FAM131A: variants seen among roughly 807,000 people sequenced by gnomAD.
FAM131A encodes protein FAM131A.
Under a neutral mutation model 39.2 loss-of-function variants are expected in FAM131A, and 24 were observed. That is an observed-to-expected ratio of 0.61 (90% CI 0.44 to 0.86). FAM131A has a LOEUF of 0.86. FAM131A is among the 40% of genes least tolerant of loss of function. The pLI is 0.00. For synonymous variants in FAM131A, 202 were observed against 206.8 expected, an observed-to-expected ratio of 0.98 and a Z score of 0.20; for missense variants, 373 against 481.2, an observed-to-expected ratio of 0.78 and a Z score of 2.10.
At position 184,345,187 on chromosome 3, in the gene FAM131A, G is replaced by A; in HGVS notation, c.*217G>A. Reference sequence around the variant, plus strand: ...TGTCCTGCCCCCACTCCCGGGGCTTGCCGGGGGTTGCCCGGGGCCTCTGGG... The same window carrying A: ...TGTCCTGCCCCCACTCCCGGGGCTTACCGGGGGTTGCCCGGGGCCTCTGGG... On this transcript the variant is annotated 3_prime_UTR_variant, in exon 6 of 6. Coordinates refer to ENST00000383847, the MANE Select transcript of FAM131A (RefSeq NM_144635.5). The A allele has an allele frequency of 1.7e-6, 1 of 590,370 alleles. No individual in the cohort carries two copies. Among genetic ancestry groups the A allele is most frequent in the Non-Finnish European group, 2.9e-6 (1 of 339,518 alleles). The allele number at this position is 590,370 out of a possible 1,614,324, so 36.6% of individuals were successfully genotyped here. A position where few individuals can be genotyped will look rare whatever the true frequency, so the allele number is the denominator to read the frequency against.
rs1472485722 is a variant in FAM131A at position 184,342,331 on chromosome 3, G to A, written c.508+83G>A. ...ATTTTATTTAATTTTTTTTTGAGAC[G>A]GAGTCTCACTCTGTCGCCCAGGCTG... On this transcript the variant is annotated intron_variant, in intron 4 of 5. Coordinates refer to ENST00000383847, the MANE Select transcript of FAM131A (RefSeq NM_144635.5). The surrounding 1 kb of genome is among the most constrained non-coding windows in gnomAD (Gnocchi z 4.6). 4.3e-5 allele frequency: 62 copies of A among 1,431,192 alleles called. No homozygotes were observed. The highest frequency in any genetic ancestry group is 1.2e-4 in the Admixed American group (5 of 40,916). 88.7% of individuals were successfully genotyped at this position (1,431,192 alleles called of 1,614,324 possible).
In FAM131A at chr3:184,338,405, G is replaced by C; in HGVS notation, c.107G>C (p.Trp36Ser). 1 of 1,471,842 alleles carries C rather than the reference G, an allele frequency of 6.8e-7. No individual in the cohort carries two copies. Among genetic ancestry groups the C allele is most frequent in the Non-Finnish European group, 9.0e-7 (1 of 1,114,784 alleles). 91.2% of individuals were successfully genotyped at this position (1,471,842 alleles called of 1,614,324 possible). A position where few individuals can be genotyped will look rare whatever the true frequency, so the allele number is the denominator to read the frequency against. ...TSRRVSSDPA[W>S]AVEWIELPRG... The stretch of plus-strand genomic sequence containing the variant: ...CTCTCAGTGTCCTCGGACCCCGCTT[G>C]GGCTGTGGAGTGGATCGAACTTCCT... The change falls in exon 2 of 6, where the codon TGG becomes TCG. Residue 36 changes from tryptophan (W) to serine (S), a missense_variant. Transcript: ENST00000383847.
Position 184,341,719 on chromosome 3 carries a change from C to T in FAM131A, c.232-5C>T, listed in dbSNP as rs1227584450. ...GGCACTGACTTTCTAATGGTGTTAC[C>T]CAAGGTGAATGTTGGAGACACAGTC... is the stretch of plus-strand genomic sequence containing the variant. On this transcript the variant is annotated splice_region_variant and splice_polypyrimidine_tract_variant and intron_variant, in intron 2 of 5. Coordinates refer to ENST00000383847, the MANE Select transcript of FAM131A (RefSeq NM_144635.5). The T allele has an allele frequency of 1.2e-6, 2 of 1,604,968 alleles. No individual in the cohort carries two copies. The highest frequency in any genetic ancestry group is 1.1e-5 in the South Asian group (1 of 91,014).
Position 184,344,982 on chromosome 3 carries a change from C to G in FAM131A, c.*12C>G. 1 of 1,518,500 alleles carries G rather than the reference C, an allele frequency of 6.6e-7. No individual in the cohort carries two copies. The highest frequency in any genetic ancestry group is 8.8e-7 in the Non-Finnish European group (1 of 1,134,900). The allele number at this position is 1,518,500 out of a possible 1,614,324, so 94.1% of individuals were successfully genotyped here. ...CAGAGGAACAGTGACCCACATCATGCCTGGCAGTGGCATGCATCCCCCGGC... is the reference window on the plus strand; with the variant it reads ...CAGAGGAACAGTGACCCACATCATGGCTGGCAGTGGCATGCATCCCCCGGC... On this transcript the variant is annotated 3_prime_UTR_variant, in exon 6 of 6. Coordinates refer to ENST00000383847, the MANE Select transcript of FAM131A (RefSeq NM_144635.5).
intron 2 of FAM131A, 114 bp downstream of exon 2, chr3:184,338,643 G>A (rs1157735915): frequency 7.2e-7 from 1 of 1,394,138 alleles, no homozygotes; most frequent in Non-Finnish European, 9.6e-7. Flanking sequence ...GGCGGGCGGA[G>A]GCGCTATCCG....
upstream of FAM131A, chr3:184,337,507 A>C: frequency 1.2e-6 from 1 of 819,144 alleles, no homozygotes; most frequent in East Asian, 2.7e-5. Context: ...TCCTTATGTG[A>C]CTAGGCACAG....
Position 184,342,296 on chromosome 3 carries a change from T to G in FAM131A, c.508+48T>G, listed in dbSNP as rs1727420257. 1.3e-6 allele frequency: 2 copies of G among 1,514,994 alleles called. No individual in the cohort carries two copies. The highest frequency in any genetic ancestry group is 1.8e-6 in the Non-Finnish European group (2 of 1,137,430). 93.8% of individuals were successfully genotyped at this position (1,514,994 alleles called of 1,614,324 possible). ...GCTACACTCTTGGCACAGGGCTGCT[T>G]TCTTTCTTTATTTTATTTAATTTTT... On this transcript the variant is annotated intron_variant, in intron 4 of 5. Transcript: ENST00000383847. This position sits in a 1 kb window ranked among gnomAD's most constrained non-coding sequence, Gnocchi z 4.6.
Position 184,345,184 on chromosome 3 carries a change from CTTGCCGGGGG to C in FAM131A, c.*220_*229del, listed in dbSNP as rs1001939576. On this transcript the variant is annotated 3_prime_UTR_variant, in exon 6 of 6. Transcript: ENST00000383847. Reference sequence around the variant, plus strand: ...GCATGTCCTGCCCCCACTCCCGGGGCTTGCCGGGGGTTGCCCGGGGCCTCTGGGGCATGGC... The same window carrying C: ...GCATGTCCTGCCCCCACTCCCGGGGCTTGCCCGGGGCCTCTGGGGCATGGC... The C allele has an allele frequency of 1.8e-5, 11 of 596,370 alleles. No individual in the cohort carries two copies. The highest frequency in any genetic ancestry group is 8.7e-5 in the East Asian group (3 of 34,524). The allele number at this position is 596,370 out of a possible 1,614,324, so 36.9% of individuals were successfully genotyped here.
Position 184,344,858 on chromosome 3 carries a change from C to T in FAM131A, c.989C>T (p.Pro330Leu), listed in dbSNP as rs762993503. The change falls in exon 6 of 6, where the codon CCA becomes CTA. Residue 330 changes from proline (P) to leucine (L), a missense_variant. Transcript: ENST00000383847. ...CCAGCCCCCTGCAAGGACTGCCAGC[C>T]ACTCTGCCCACCACTAACGGGCAGC... ...EEPAPCKDCQ[P>L]LCPPLTGSWE... is the part of the protein sequence containing the mutation. 2 of 1,611,042 alleles carry T rather than the reference C, an allele frequency of 1.2e-6. No homozygotes were observed. The highest frequency in any genetic ancestry group is 1.3e-5 in the African/African-American group (1 of 74,952).
rs752518495 is a variant in FAM131A at position 184,342,237 on chromosome 3, G to A, written c.497G>A (p.Arg166His). The A allele has an allele frequency of 1.2e-6, 2 of 1,604,064 alleles. No homozygotes were observed. Among genetic ancestry groups the A allele is most frequent in the Non-Finnish European group, 1.7e-6 (2 of 1,172,810 alleles). The change falls in exon 4 of 6, where the codon CGC becomes CAC. Residue 166 changes from arginine (R) to histidine (H), a missense_variant. Physicochemically the swap from Arg to His is conservative, Grantham distance 29. Around this residue, in one of 2 missense-constraint regions of FAM131A, gnomAD observed 221 missense variants for 347.7 expected, o/e 0.64. Transcript: ENST00000383847. This position sits in a 1 kb window ranked among gnomAD's most constrained non-coding sequence, Gnocchi z 4.6. ...SDLSEGEQEA[R>H]FAAGVAEQFA... The stretch of plus-strand genomic sequence containing the variant: ...CTCAGCGAGGGCGAACAAGAGGCTC[G>A]CTTTGCAGCAGGTGGATGGCAGAAA...
chr3:184,337,415 G>A (rs1727168707), upstream of FAM131A: 1 of 576,282 alleles, frequency 1.7e-6, no homozygotes, highest in African/African-American at 1.9e-5. Context: ...TCTAGGGAAT[G>A]GGCCTCAGCT....
intron 1 of FAM131A, among the ~76,000 whole-genome samples, 175 bp from the exon 2 acceptor site, chr3:184,338,212 C>T (rs185581179): frequency 6.7e-6 from 1 of 150,034 alleles, no homozygotes; most frequent in Non-Finnish European, 1.5e-5. Context: ...CCCAGGGGCC[C>T]GAGGGTCAGT....
chr3:184,338,217 G>T (rs1487980871), intron 1 of FAM131A, among the ~76,000 whole-genome samples, 170 bp from the exon 2 acceptor site: 2 of 152,056 alleles, frequency 1.3e-5, no homozygotes, highest in South Asian at 4.1e-4. Context: ...GGGCCCGAGG[G>T]TCAGTGATGT....
intron 5 of FAM131A, among the ~76,000 whole-genome samples, chr3:184,344,151 A>AC (rs1470186304): frequency 6.6e-6 from 1 of 152,100 alleles, no homozygotes; most frequent in East Asian, 1.9e-4. Flanking sequence ...ACGCCCGGCT[A>AC]ATTTTGTGTT....
rs1441776737 is a variant in FAM131A, at chr3:184,338,792, T to C, written c.231+263T>C. 6 of 436,254 alleles carry C rather than the reference T, an allele frequency of 1.4e-5. No homozygotes were observed. In the East Asian group the frequency reaches 2.2e-4, roughly 16 times the overall value. 27.0% of individuals were successfully genotyped at this position (436,254 alleles called of 1,614,324 possible). ...GGAGACCCTGTTGCGTGGTGATGGG[T>C]TGCCAGGGAGACATACACCTTTTCT... On this transcript the variant is annotated intron_variant, in intron 2 of 5. Coordinates refer to ENST00000383847, the MANE Select transcript of FAM131A (RefSeq NM_144635.5).
Position 184,344,501 on chromosome 3 carries a change from C to A in FAM131A, c.632C>A (p.Ala211Asp). 1 of 1,525,372 alleles carries A rather than the reference C, an allele frequency of 6.6e-7. No homozygotes were observed. Among genetic ancestry groups the A allele is most frequent in the South Asian group, 1.3e-5 (1 of 76,942 alleles). 94.5% of individuals were successfully genotyped at this position (1,525,372 alleles called of 1,614,324 possible). ...DFAGGMDTDM[A>D]GQLPLGPHLQ... ...TTTTCTCTTCTCCTCACAGACATGG[C>A]TGGGCAGCTGCCCCTGGGGCCGCAC... Residue 211 changes from alanine (A) to aspartate (D), a missense_variant, in exon 6 of 6, where the codon GCT becomes GAT. Around this residue, in one of 2 missense-constraint regions of FAM131A, gnomAD observed 221 missense variants for 347.7 expected, o/e 0.64. Transcript: ENST00000383847.
Position 184,342,815 on chromosome 3 carries a change from A to G in FAM131A, c.580A>G (p.Thr194Ala). 2 of 1,614,000 alleles carry G rather than the reference A, an allele frequency of 1.2e-6. No individual in the cohort carries two copies. The highest frequency in any genetic ancestry group is 1.7e-6 in the Non-Finnish European group (2 of 1,179,924). The change falls in exon 5 of 6, where the codon ACT becomes GCT. Residue 194 changes from threonine (T) to alanine (A), a missense_variant. By Grantham distance (58) the Thr-to-Ala change is moderately conservative. Transcript: ENST00000383847. The surrounding 1 kb of genome is among the most constrained non-coding windows in gnomAD (Gnocchi z 4.6). Reference sequence around the variant, plus strand: ...GTCTTCGGTGGATGGCGAGGACTCCACTGATGACTCCTATGATGAGGACTT... The same window carrying G: ...GTCTTCGGTGGATGGCGAGGACTCCGCTGATGACTCCTATGATGAGGACTT... ...AWSSVDGEDS[T>A]DDSYDEDFAG...
chr3:184,341,661 G>A, intron 2 of FAM131A, 63 bp from the exon 3 acceptor site: 2 of 1,404,174 alleles, frequency 1.4e-6, no homozygotes, highest in Admixed American at 1.9e-5. Context: ...CTGGGTATGG[G>A]CATGTTAGGG....
chr3:184,343,525 C>G (rs895339525), intron 5 of FAM131A, among the ~76,000 whole-genome samples: 3 of 152,212 alleles, frequency 2.0e-5, no homozygotes, highest in African/African-American at 7.2e-5. Context: ...GGCCACCATT[C>G]CCCACAACCT....
Sources: allele counts gnomAD v4.1 joint callset (sites outside exome capture counted in the v4.1 genomes callset), GRCh38; gene constraint gnomAD v4.1.1; regional missense constraint gnomAD v4.1.1; non-coding constraint Gnocchi (gnomAD v3.1); transcripts MANE v1.5; gene names NCBI Gene and HGNC (gene_info 2026-07-23, HGNC 2026-07-21).